The following KCNK15 variants were observed in gnomAD, a reference collection of about 807,000 sequenced individuals.
KCNK15 encodes the protein potassium channel subfamily K member 15.
Under a neutral mutation model 8.5 loss-of-function variants are expected in KCNK15, and 9 were observed. The ratio of observed to expected loss-of-function variants is 1.06; its 90% CI spans 0.64 to 1.85. KCNK15 has a LOEUF of 1.85. Ranked by LOEUF, KCNK15 falls within the 40% of genes most tolerant of loss-of-function variation. KCNK15 has a pLI of 0.00. For missense variants in KCNK15, 467 were observed against 476.8 expected, an observed-to-expected ratio of 0.98 and a Z score of 0.19; for synonymous variants, 224 against 232.7, an observed-to-expected ratio of 0.96 and a Z score of 0.34.
rs1316678634 is a variant in KCNK15 at position 44,751,087 on chromosome 20, T to C, written c.*249T>C. The C allele has an allele frequency of 3.0e-6, 1 of 329,550 alleles. No homozygotes were observed. Among genetic ancestry groups the C allele is most frequent in the East Asian group, 5.0e-5 (1 of 20,124 alleles). 20.4% of individuals were successfully genotyped at this position (329,550 alleles called of 1,614,324 possible). On this transcript the variant is annotated 3_prime_UTR_variant, in exon 2 of 2. Transcript: ENST00000372861. Reference sequence around the variant, plus strand: ...CAAATTCCTTGTAGTCCAAATTGTATGAGGGCGTGGCCACATCAGCACTTA... The same window carrying C: ...CAAATTCCTTGTAGTCCAAATTGTACGAGGGCGTGGCCACATCAGCACTTA...
chr20:44,747,955 G>A (rs1189986054), intron 1 of KCNK15, among the ~76,000 whole-genome samples: 1 of 152,228 alleles, frequency 6.6e-6, no homozygotes, highest in Non-Finnish European at 1.5e-5. Context: ...GCTCAGGCCT[G>A]TGGCCTTTGG....
In KCNK15 at chr20:44,750,901, C is replaced by A; in HGVS notation, c.*63C>A. ...GGGTCTGGCTTCAGCTATCAGGGCA[C>A]CCTCCCCAGGGATTGGAAACGGATG... On this transcript the variant is annotated 3_prime_UTR_variant, in exon 2 of 2. Transcript: ENST00000372861. 8.7e-7 allele frequency: 1 copy of A among 1,149,076 alleles called. No individual in the cohort carries two copies. The highest frequency in any genetic ancestry group is 1.1e-6 in the Non-Finnish European group (1 of 882,972). 71.2% of individuals were successfully genotyped at this position (1,149,076 alleles called of 1,614,324 possible). A position where few individuals can be genotyped will look rare whatever the true frequency, so the allele number is the denominator to read the frequency against.
rs1219372787 is a variant in KCNK15 at position 44,750,325 on chromosome 20, G to A, written c.480G>A (p.Val160=). The change falls in exon 2 of 2, where the codon GTG becomes GTA. Residue 160 remains valine (V), a synonymous_variant. Transcript: ENST00000372861. ...RWTCVSTENL[V]VAGLLACAAT... ...CGTGCGTGTCCACGGAGAACCTGGT[G>A]GTGGCCGGGCTGCTGGCGTGTGCCG... The A allele has an allele frequency of 6.2e-7, 1 of 1,610,412 alleles. No individual in the cohort carries two copies. Among genetic ancestry groups the A allele is most frequent in the Admixed American group, 1.7e-5 (1 of 59,658 alleles).
rs781595535 is a variant in KCNK15 at position 44,745,870 on chromosome 20, G to T, written c.-41G>T. ...GCGGAGCGCGCGGTCCGGGCACACG[G>T]AGCAGGTTGGGACCGCGGCGGGTAC... On this transcript the variant is annotated 5_prime_UTR_variant, in exon 1 of 2. Coordinates refer to ENST00000372861, the MANE Select transcript of KCNK15 (RefSeq NM_022358.4). The T allele has an allele frequency of 5.6e-6, 7 of 1,247,890 alleles. No individual in the cohort carries two copies. The South Asian group carries it at 1.4e-4, about 24-fold the overall frequency. 77.3% of individuals were successfully genotyped at this position (1,247,890 alleles called of 1,614,324 possible).
At chr20:44,747,946 C>G (rs1442237108) in intron 1 of KCNK15, among the ~76,000 whole-genome samples, 2 of 152,156 alleles carry the variant, frequency 1.3e-5, no homozygotes, top group Non-Finnish European at 2.9e-5. Flanking sequence ...TGGTTAATAG[C>G]TCAGGCCTGT....
intron 1 of KCNK15, chr20:44,747,065 C>G (rs953841872): frequency 6.6e-6 from 1 of 152,270 alleles, no homozygotes; most frequent in Non-Finnish European, 1.5e-5. Context: ...CTGTGAACGT[C>G]CCGGCACCCC....
At chr20:44,749,011 G>T (rs1437063110) in intron 1 of KCNK15, among the ~76,000 whole-genome samples, 2 of 152,154 alleles carry the variant, frequency 1.3e-5, no homozygotes, top group Non-Finnish European at 2.9e-5. Flanking sequence ...GGCCCCTTTG[G>T]ATGGACACTT....
chr20:44,750,137 C>CA lies in KCNK15; in HGVS notation c.293dup (p.His98GlnfsTer264). 1 of 1,605,496 alleles carries CA rather than the reference C, an allele frequency of 6.2e-7. No individual in the cohort carries two copies. The highest frequency in any genetic ancestry group is 8.5e-7 in the Non-Finnish European group (1 of 1,178,348). On this transcript the variant is annotated frameshift_variant, in exon 2 of 2. Coordinates refer to ENST00000372861, the MANE Select transcript of KCNK15 (RefSeq NM_022358.4). LOFTEE classifies it low-confidence loss of function (END_TRUNC). ...CCGCTCTCCCTGCATAGAGTACGGC[C>CA]ACGCCGCGCCGGGTACGGACTCCGG... is the stretch of plus-strand genomic sequence containing the variant.
intron 1 of KCNK15, among the ~76,000 whole-genome samples, chr20:44,747,576 G>C (rs900553813): frequency 1.3e-5 from 2 of 152,216 alleles, no homozygotes; most frequent in African/African-American, 4.8e-5. Flanking sequence ...TTCTTTGGAG[G>C]CTTGCCATGT....
Position 44,750,799 on chromosome 20 carries a change from G to A in KCNK15, c.954G>A (p.Gly318=). The A allele has an allele frequency of 6.7e-7, 1 of 1,494,590 alleles. No individual in the cohort carries two copies. The highest frequency in any genetic ancestry group is 8.9e-7 in the Non-Finnish European group (1 of 1,127,010). The allele number at this position is 1,494,590 out of a possible 1,614,324, so 92.6% of individuals were successfully genotyped here. A position where few individuals can be genotyped will look rare whatever the true frequency, so the allele number is the denominator to read the frequency against. ...CGAGCCCGGGGGTCGTGCGTGGCGG[G>A]CAGGCTCCCAGGCTTGGGGCCCGGT... ...PPSSPGVVRG[G]QAPRLGARWK... Residue 318 remains glycine, a synonymous_variant, in exon 2 of 2, where the codon GGG becomes GGA. Transcript: ENST00000372861.
intron 1 of KCNK15, among the ~76,000 whole-genome samples, chr20:44,749,065 C>T (rs1341098913): frequency 4.6e-5 from 7 of 152,184 alleles, no homozygotes; most frequent in Non-Finnish European, 8.8e-5. Flanking sequence ...GCTGCAATGA[C>T]GACCCAAGTG....
chr20:44,749,194 A>G (rs2066018769), intron 1 of KCNK15, among the ~76,000 whole-genome samples: 1 of 152,136 alleles, frequency 6.6e-6, no homozygotes, highest in South Asian at 2.1e-4. Context: ...CTGTTAGAGG[A>G]GGCGCATTCT....
At chr20:44,746,546 TCA>T (rs1231098033) in intron 1 of KCNK15, 2 of 210,550 alleles carry the variant, frequency 9.5e-6, no homozygotes, top group Non-Finnish European at 1.9e-5. Flanking sequence ...CCTGGTTGCC[TCA>T]CACTTGCTGT....
In KCNK15 at chr20:44,750,511, C is replaced by T; in HGVS notation, c.666C>T (p.Ala222=). ...TGCAGAGGAAGCTCCCCTACGTGGC[C>T]TTCAGCTTCCTCTACATCCTCCTGG... is the stretch of plus-strand genomic sequence containing the variant. ...EALQRKLPYV[A]FSFLYILLGL... Residue 222 remains alanine (A), a synonymous_variant, in exon 2 of 2, where the codon GCC becomes GCT. Transcript: ENST00000372861. The T allele has an allele frequency of 1.2e-6, 2 of 1,613,888 alleles. No homozygotes were observed. Among genetic ancestry groups the T allele is most frequent in the Non-Finnish European group, 1.7e-6 (2 of 1,179,876 alleles).
Position 44,750,622 on chromosome 20 carries a change from C to T in KCNK15, c.777C>T (p.Arg259=), listed in dbSNP as rs758295693. 18 of 1,592,362 alleles carry T rather than the reference C, an allele frequency of 1.1e-5. No individual in the cohort carries two copies. In the South Asian group the frequency reaches 1.8e-4, roughly 16 times the overall value. ...ASADWPERAA[R]TPSPRPPGAP... ...CCGACTGGCCCGAGCGCGCTGCCCG[C>T]ACCCCCAGCCCGCGCCCCCCGGGGG... Residue 259 remains arginine, a synonymous_variant, in exon 2 of 2, where the codon CGC becomes CGT. Transcript: ENST00000372861.
At chr20:44,747,720 T>G (rs1283974562) in intron 1 of KCNK15, among the ~76,000 whole-genome samples, 2 of 152,284 alleles carry the variant, frequency 1.3e-5, no homozygotes, top group East Asian at 3.8e-4. Flanking sequence ...TGTGGTCTAG[T>G]CCGCTGAAGC....
rs1248486860 is a variant in KCNK15, at chr20:44,752,131, C to T, written c.*1293C>T. On this transcript the variant is annotated 3_prime_UTR_variant, in exon 2 of 2. Transcript: ENST00000372861. Reference sequence around the variant, plus strand: ...GGTTAGACGGGCACCATCAGCCCACCTCACAGGCTCGGCGTCGGGTGAGCT... The same window carrying T: ...GGTTAGACGGGCACCATCAGCCCACTTCACAGGCTCGGCGTCGGGTGAGCT... The T allele has an allele frequency of 1.3e-5, 2 of 152,296 alleles. No homozygotes were observed. Among genetic ancestry groups the T allele is most frequent in the Non-Finnish European group, 2.9e-5 (2 of 68,100 alleles). 9.4% of individuals were successfully genotyped at this position (152,296 alleles called of 1,614,324 possible). A position where few individuals can be genotyped will look rare whatever the true frequency, so the allele number is the denominator to read the frequency against.
rs199534402 is a variant in KCNK15, at chr20:44,750,381, C to T, written c.536C>T (p.Ser179Leu). ...ATLALGAVAF[S>L]HFEGWTFFHA... ...CTGGCCCTCGGGGCCGTCGCCTTCT[C>T]GCACTTCGAGGGCTGGACCTTCTTC... Residue 179 changes from serine to leucine, a missense_variant, in exon 2 of 2, where the codon TCG (serine) becomes TTG (leucine). Physicochemically the swap from Ser to Leu is moderately radical, Grantham distance 145. Around this residue, in one of 2 missense-constraint regions of KCNK15, gnomAD observed 455 missense variants for 441.2 expected, o/e 1.03. Coordinates refer to ENST00000372861, the MANE Select transcript of KCNK15 (RefSeq NM_022358.4). The T allele has an allele frequency of 1.2e-5, 20 of 1,613,816 alleles. No homozygotes were observed. The highest frequency in any genetic ancestry group is 6.7e-5 in the Admixed American group (4 of 60,022).
At chr20:44,749,785 T>C (rs1023484015) in intron 1 of KCNK15, among the ~76,000 whole-genome samples, 1 of 152,164 alleles carries the variant, frequency 6.6e-6, no homozygotes, top group African/African-American at 2.4e-5. Context: ...GAGTGTCATT[T>C]ATAGGGAACC....
Sources: gnomAD v4.1 joint callset for allele counts (sites outside exome capture counted in the v4.1 genomes callset) on GRCh38, gnomAD v4.1.1 for gene constraint, gnomAD v4.1.1 regional missense constraint, MANE v1.5 for transcripts, NCBI Gene and HGNC (gene_info 2026-07-23, HGNC 2026-07-21) for gene names.